PLCB1: variants seen among roughly 807,000 people sequenced by gnomAD.
PLCB1 encodes phospholipase C beta 1.
In PLCB1, 46 loss-of-function variants were observed where a neutral mutation model predicts 161.8. The ratio of observed to expected loss-of-function variants is 0.28; its 90% CI spans 0.22 to 0.36. The LOEUF (loss-of-function observed/expected upper bound fraction) is 0.36, where lower values mean the gene tolerates loss of function less well. PLCB1 is among the 10% of genes least tolerant of loss of function. The pLI is 1.00. For missense variants in PLCB1, 1,016 were observed against 1,472.5 expected, an observed-to-expected ratio of 0.69 and a Z score of 5.07; for synonymous variants, 517 against 503.7, an observed-to-expected ratio of 1.03 and a Z score of -0.35.
chr20:8,564,062 AG>A (rs1463948006), intron 3 of PLCB1, among the ~76,000 whole-genome samples: 1 of 152,190 alleles, frequency 6.6e-6, no homozygotes, highest in Non-Finnish European at 1.5e-5. Flanking sequence ...AAAAGAACAA[AG>A]CTGGAGACAT....
chr20:8,475,460 A>G (rs897533237), intron 3 of PLCB1, among the ~76,000 whole-genome samples: 24 of 152,312 alleles, frequency 1.6e-4, no homozygotes, highest in African/African-American at 5.8e-4. Context: ...TGTCCTTGCA[A>G]CAAACCAGAA....
intron 7 of PLCB1, chr20:8,649,803 A>G: frequency 3.8e-6 from 1 of 265,028 alleles, no homozygotes; most frequent in Admixed American, 4.5e-5. Flanking sequence ...TTTGATTCCT[A>G]TATATTATAC....
intron 2 of PLCB1, among the ~76,000 whole-genome samples, chr20:8,199,701 C>A (rs1467707335): frequency 5.3e-5 from 8 of 151,886 alleles, no homozygotes; most frequent in Non-Finnish European, 1.0e-4. Flanking sequence ...TATAACTTAT[C>A]TTTTAACTTT....
At chr20:8,604,252 CAAAAAAAAA>C (rs34186286) in intron 3 of PLCB1, among the ~76,000 whole-genome samples, 1 of 51,394 alleles carries the variant, frequency 1.9e-5, no homozygotes, top group South Asian at 1.1e-3. Context: ...GGCCCTGTCT[CAAAAAAAAA>C]AAAAAAAAAA....
chr20:8,802,078 T>C, intron 31 of PLCB1: 1 of 1,610,592 alleles, frequency 6.2e-7, no homozygotes, highest in East Asian at 2.2e-5. Context: ...TCCTCATTCT[T>C]GTCGGAAACT....
intron 23 of PLCB1, chr20:8,752,263 T>A (rs1316835249): frequency 6.6e-6 from 1 of 152,238 alleles, no homozygotes; most frequent in Non-Finnish European, 1.5e-5. Flanking sequence ...TAGTCCATAT[T>A]CAAATACTTG....
chr20:8,530,167 T>C (rs1381769127), intron 3 of PLCB1, among the ~76,000 whole-genome samples: 2 of 152,148 alleles, frequency 1.3e-5, no homozygotes, highest in African/African-American at 4.8e-5. Context: ...TTTCAAGTGT[T>C]CTGCACATTT....
chr20:8,637,471 G>C (rs1251211408), intron 4 of PLCB1, among the ~76,000 whole-genome samples: 1 of 152,138 alleles, frequency 6.6e-6, no homozygotes, highest in East Asian at 1.9e-4. Flanking sequence ...CAGGAATGGA[G>C]TAGATTCAGG....
At chr20:8,321,398 G>A (rs1984913443) in intron 2 of PLCB1, among the ~76,000 whole-genome samples, 1 of 152,006 alleles carries the variant, frequency 6.6e-6, no homozygotes, top group Non-Finnish European at 1.5e-5. Context: ...TCAGTCCTCA[G>A]TTTCCTCATA....
intron 3 of PLCB1, among the ~76,000 whole-genome samples, chr20:8,388,013 GAGC>G (rs986432569): frequency 6.0e-5 from 9 of 149,922 alleles, no homozygotes; most frequent in Admixed American, 5.3e-4. Flanking sequence ...AACTGAGAAG[GAGC>G]AACCAGTGAG....
chr20:8,524,580 A>G (rs1984506638), intron 3 of PLCB1, among the ~76,000 whole-genome samples: 1 of 152,152 alleles, frequency 6.6e-6, no homozygotes, highest in South Asian at 2.1e-4. Flanking sequence ...GCAGGCAGCC[A>G]TGTTCTGATT....
chr20:8,763,865 C>T (rs928614754), intron 25 of PLCB1, among the ~76,000 whole-genome samples: 1 of 151,856 alleles, frequency 6.6e-6, no homozygotes, highest in Non-Finnish European at 1.5e-5. Context: ...GTTTTCTCAG[C>T]ATGGGATAAA....
intron 25 of PLCB1, among the ~76,000 whole-genome samples, chr20:8,761,904 T>A (rs77645826): frequency 0.078 from 11,710 of 149,302 alleles, 548 homozygotes; most frequent in South Asian, 0.19. Flanking sequence ...CAACAAAACA[T>A]GTTTTTAAAA....
intron 2 of PLCB1, among the ~76,000 whole-genome samples, chr20:8,257,072 C>T (rs1600266914): frequency 1.3e-5 from 2 of 152,198 alleles, no homozygotes; most frequent in East Asian, 3.9e-4. Context: ...GATCGTTTTA[C>T]ATGTGTTCTG....
chr20:8,624,771 G>A (rs541767895), intron 3 of PLCB1, among the ~76,000 whole-genome samples: 1 of 152,288 alleles, frequency 6.6e-6, no homozygotes, highest in Non-Finnish European at 1.5e-5. Flanking sequence ...ATGATTGAGA[G>A]AAAATGAATT....
intron 2 of PLCB1, among the ~76,000 whole-genome samples, chr20:8,361,224 A>G (rs1986531725): frequency 6.6e-6 from 1 of 152,242 alleles, no homozygotes. Context: ...TATTAGAGCT[A>G]CTGATAAGCA....
At chr20:8,469,399 A>C (rs2122710410) in intron 3 of PLCB1, among the ~76,000 whole-genome samples, 1 of 152,272 alleles carries the variant, frequency 6.6e-6, no homozygotes, top group East Asian at 1.9e-4. Flanking sequence ...ATCCTAATTC[A>C]AGTATCCTAG....
intron 2 of PLCB1, among the ~76,000 whole-genome samples, chr20:8,335,931 G>T (rs1985559095): frequency 1.3e-5 from 2 of 152,272 alleles, no homozygotes; most frequent in East Asian, 3.9e-4. Flanking sequence ...GGTCAGGGAG[G>T]ATTTGGGTTC....
chr20:8,777,919 C>T (rs1568595922), intron 27 of PLCB1, among the ~76,000 whole-genome samples: 1 of 152,060 alleles, frequency 6.6e-6, no homozygotes, highest in East Asian at 1.9e-4. Flanking sequence ...AGTGCTTGTG[C>T]AGGGACATTT....
Sources: gnomAD v4.1 joint callset for allele counts (sites outside exome capture counted in the v4.1 genomes callset) on GRCh38, gnomAD v4.1.1 for gene constraint, MANE v1.5 for transcripts, NCBI Gene and HGNC (gene_info 2026-07-23, HGNC 2026-07-21) for gene names.